The following RGS7 variants were observed in gnomAD, a reference collection of about 807,000 sequenced individuals.
RGS7 encodes the protein regulator of G protein signaling 7.
In RGS7, 27 loss-of-function variants were observed where a neutral mutation model predicts 81.1. The observed-to-expected ratio is 0.33, with a 90% CI of 0.25 to 0.46. The LOEUF is 0.46. Ranked by LOEUF, RGS7 falls within the 20% of genes least tolerant of loss-of-function variation. The pLI is 1.00. For synonymous variants in RGS7, 208 were observed against 207.7 expected, an observed-to-expected ratio of 1.00 and a Z score of -0.01; for missense variants, 396 against 607.4, an observed-to-expected ratio of 0.65 and a Z score of 3.66.
intron 9 of RGS7, among the ~76,000 whole-genome samples, chr1:240,859,874 C>T (rs971167206): frequency 8.5e-5 from 13 of 152,176 alleles, no homozygotes; most frequent in Non-Finnish European, 1.6e-4. Context: ...GCACTGCTTT[C>T]ACTGGATCCT....
At chr1:241,170,979 T>C (rs1331010927) in intron 2 of RGS7, among the ~76,000 whole-genome samples, 1 of 152,206 alleles carries the variant, frequency 6.6e-6, no homozygotes, top group African/African-American at 2.4e-5. Flanking sequence ...CAAAACACTC[T>C]GGAGTCATTT....
intron 2 of RGS7, among the ~76,000 whole-genome samples, chr1:241,202,111 G>T (rs2073565906): frequency 6.6e-6 from 1 of 151,552 alleles, no homozygotes; most frequent in Non-Finnish European, 1.5e-5. Flanking sequence ...GGAGGTGAAT[G>T]AATAAATTAT....
intron 3 of RGS7, among the ~76,000 whole-genome samples, chr1:241,043,593 ATATAT>A (rs1271629727): frequency 6.8e-6 from 1 of 146,934 alleles, no homozygotes; most frequent in South Asian, 2.1e-4. Flanking sequence ...GTTATATTTT[ATATAT>A]TATAATATTA....
intron 9 of RGS7, 42 bp from the exon 10 acceptor site, chr1:240,827,214 T>C: frequency 6.8e-7 from 1 of 1,475,602 alleles, no homozygotes; most frequent in Non-Finnish European, 9.5e-7. Context: ...TCTTTGGGTG[T>C]GAAATTTCTG....
At chr1:240,960,417 T>C (rs920675767) in intron 4 of RGS7, among the ~76,000 whole-genome samples, 2 of 151,038 alleles carry the variant, frequency 1.3e-5, no homozygotes, top group African/African-American at 4.9e-5. Flanking sequence ...CTAATTTTTG[T>C]ATTTTTTGTA....
chr1:241,091,003 G>A (rs377184544), intron 3 of RGS7, among the ~76,000 whole-genome samples: 2 of 152,174 alleles, frequency 1.3e-5, no homozygotes, highest in East Asian at 3.9e-4. Flanking sequence ...ATGAGGTGGT[G>A]AGAAACAGAA....
chr1:240,800,107 A>G, intron 18 of RGS7, among the ~76,000 whole-genome samples: 1 of 152,210 alleles, frequency 6.6e-6, no homozygotes, highest in Admixed American at 6.5e-5. Context: ...TTCTTAAACA[A>G]TACACAGAGT....
intron 9 of RGS7, among the ~76,000 whole-genome samples, chr1:240,864,057 G>A (rs1292024531): frequency 6.6e-6 from 1 of 152,054 alleles, no homozygotes; most frequent in Non-Finnish European, 1.5e-5. Context: ...AACAACATGA[G>A]CATCTGTATC....
chr1:240,930,613 A>C lies in RGS7; in HGVS notation c.385+104T>G, dbSNP rs991897865. 3 of 1,088,126 alleles carry C rather than the reference A, an allele frequency of 2.8e-6. No homozygotes were observed. In the African/African-American group the frequency reaches 4.6e-5, roughly 17 times the overall value. 67.4% of individuals were successfully genotyped at this position (1,088,126 alleles called of 1,614,324 possible). A position where few individuals can be genotyped will look rare whatever the true frequency, so the allele number is the denominator to read the frequency against. On this transcript the variant is annotated intron_variant, in intron 6 of 18. Coordinates refer to ENST00000440928, the MANE Select transcript of RGS7 (RefSeq NM_001364886.1). ...TTAAAAATATTGGTCCCATCCTGAG[A>C]ACTGTGGTTTCCTTTTCTTAATGAA...
chr1:241,111,048 T>C (rs972880740), intron 2 of RGS7, among the ~76,000 whole-genome samples: 2 of 152,174 alleles, frequency 1.3e-5, no homozygotes, highest in Non-Finnish European at 2.9e-5. Context: ...CCACGGAGTA[T>C]AATAGATTTA....
At chr1:241,148,622 C>T (rs775104896) in intron 2 of RGS7, among the ~76,000 whole-genome samples, 1 of 152,162 alleles carries the variant, frequency 6.6e-6, no homozygotes, top group Non-Finnish European at 1.5e-5. Flanking sequence ...TGGGTGACCT[C>T]GGGCAAGTCA....
At chr1:240,842,199 A>ATT (rs568381066) in intron 9 of RGS7, among the ~76,000 whole-genome samples, 1,023 of 78,700 alleles carry the variant, frequency 0.013, 171 homozygotes, top group African/African-American at 0.044. Context: ...TTTGTCAGGA[A>ATT]TTTTTTTTTT....
chr1:240,941,065 T>C (rs959009872), intron 4 of RGS7, among the ~76,000 whole-genome samples: 1 of 152,248 alleles, frequency 6.6e-6, no homozygotes. Context: ...GTGATACTTA[T>C]GTTCCATAAT....
chr1:240,917,227 A>G (rs1017326909), intron 6 of RGS7, among the ~76,000 whole-genome samples: 1 of 152,216 alleles, frequency 6.6e-6, no homozygotes, highest in African/African-American at 2.4e-5. Context: ...ATTTGTTGAC[A>G]AAAGACCTGC....
intron 2 of RGS7, among the ~76,000 whole-genome samples, chr1:241,200,036 A>G (rs2073382088): frequency 2.0e-5 from 3 of 152,194 alleles, no homozygotes; most frequent in African/African-American, 7.2e-5. Flanking sequence ...TAACATATAA[A>G]TACAAAATAA....
chr1:240,778,690 G>A (rs1683407433), intron 18 of RGS7, among the ~76,000 whole-genome samples: 1 of 152,056 alleles, frequency 6.6e-6, no homozygotes, highest in African/African-American at 2.4e-5. Context: ...CTGCCACCAC[G>A]CCTGGCTAAT....
intron 2 of RGS7, among the ~76,000 whole-genome samples, chr1:241,165,793 A>T (rs528453441): frequency 0.024 from 3,615 of 151,672 alleles, 171 homozygotes; most frequent in African/African-American, 0.083. Flanking sequence ...TAATAAAAAA[A>T]AAAAAAAACC....
At chr1:241,051,449 G>C (rs2061243854) in intron 3 of RGS7, among the ~76,000 whole-genome samples, 1 of 140,704 alleles carries the variant, frequency 7.1e-6, no homozygotes, top group South Asian at 2.2e-4. Context: ...CTGAAAAAGG[G>C]ATTGCAGAAG....
chr1:241,063,628 C>A (rs749496210), intron 3 of RGS7, among the ~76,000 whole-genome samples: 5 of 152,164 alleles, frequency 3.3e-5, no homozygotes, highest in Non-Finnish European at 5.9e-5. Context: ...GATCTGGACT[C>A]AGGTATTATA....
Sources: allele counts gnomAD v4.1 joint callset (sites outside exome capture counted in the v4.1 genomes callset), GRCh38; gene constraint gnomAD v4.1.1; transcripts MANE v1.5; gene names NCBI Gene and HGNC (gene_info 2026-07-23, HGNC 2026-07-21).